KLHL24: variants seen among roughly 807,000 people sequenced by gnomAD.
KLHL24 encodes the protein kelch-like protein 24.
KLHL24 carries 29 observed loss-of-function variants against 53.4 expected under a neutral mutation model. The observed-to-expected ratio is 0.54, with a 90% CI of 0.40 to 0.74. KLHL24 has a LOEUF of 0.74. Among genes scored for constraint, KLHL24 ranks in the 30% least tolerant of loss-of-function variants. The pLI, the probability that KLHL24 is intolerant of heterozygous loss-of-function variation, is 0.00. For synonymous variants in KLHL24, 222 were observed against 253.7 expected (o/e 0.88, Z 1.19); for missense variants, 504 against 744.0 (o/e 0.68, Z 3.75).
chr3:183,663,703 C>A lies in KLHL24; in HGVS notation c.1105+61C>A. The A allele has an allele frequency of 2.2e-6, 2 of 927,316 alleles. No individual in the cohort carries two copies. The highest frequency in any genetic ancestry group is 3.1e-6 in the Non-Finnish European group (2 of 638,866). 57.4% of individuals were successfully genotyped at this position (927,316 alleles called of 1,614,324 possible). A position where few individuals can be genotyped will look rare whatever the true frequency, so the allele number is the denominator to read the frequency against. ...TTGGACACAGCTTCATTATTTTAAA[C>A]ATCAACAGTGTCTTAAAATAGTGAA... On this transcript the variant is annotated intron_variant, in intron 4 of 7. Coordinates refer to ENST00000242810, the MANE Select transcript of KLHL24 (RefSeq NM_017644.3). This position sits in a 1 kb window ranked among gnomAD's most constrained non-coding sequence, Gnocchi z 4.9.
At chr3:183,653,934 T>G (rs1718494659) in intron 3 of KLHL24, among the ~76,000 whole-genome samples, 1 of 152,180 alleles carries the variant, frequency 6.6e-6, no homozygotes. Flanking sequence ...ACTAGGAATT[T>G]CATTATCTGA....
intron 1 of KLHL24, among the ~76,000 whole-genome samples, chr3:183,637,369 C>T (rs551401680): frequency 6.6e-6 from 1 of 152,320 alleles, no homozygotes; most frequent in South Asian, 2.1e-4. Context: ...CTTCCATACT[C>T]GGCTCGGATG....
In KLHL24 at chr3:183,647,741, C is replaced by T. The variant is rs748800326; in HGVS notation, c.-61-2555C>T. On this transcript the variant is annotated intron_variant, in intron 2 of 7. Transcript: ENST00000242810. Reference sequence around the variant, plus strand: ...ATAACAGGCTGAGCGCAGTGGCTCACGCCTGTAATCCCAGCACTTTGGGAG... The same window carrying T: ...ATAACAGGCTGAGCGCAGTGGCTCATGCCTGTAATCCCAGCACTTTGGGAG... 4.6e-4 allele frequency among the ~76,000 whole-genome samples: 70 copies of T among 152,082 alleles called. 1 individual carries two copies. Among genetic ancestry groups the T allele is most frequent in the Admixed American group, 2.0e-4 (3 of 15,272 alleles).
intron 3 of KLHL24, among the ~76,000 whole-genome samples, chr3:183,660,990 G>A (rs1320473299): frequency 1.5e-5 from 2 of 136,574 alleles, no homozygotes; most frequent in African/African-American, 3.0e-5. Context: ...GCGTGAACCC[G>A]GGAGGCGGAG....
chr3:183,670,353 T>G (rs897987917), intron 5 of KLHL24, among the ~76,000 whole-genome samples: 15 of 152,190 alleles, frequency 9.9e-5, no homozygotes, highest in Non-Finnish European at 1.5e-5. Context: ...AAACCATGGA[T>G]TTTTTGCATA....
intron 5 of KLHL24, among the ~76,000 whole-genome samples, chr3:183,669,510 T>C (rs1254739782): frequency 1.3e-5 from 2 of 152,208 alleles, no homozygotes; most frequent in Non-Finnish European, 2.9e-5. Context: ...TGTGGACTTT[T>C]GTAAGTTACT....
intron 5 of KLHL24, among the ~76,000 whole-genome samples, chr3:183,666,991 C>T (rs1720659550): frequency 6.6e-6 from 1 of 152,104 alleles, no homozygotes; most frequent in Non-Finnish European, 1.5e-5. Context: ...CTCATAGGCC[C>T]TCCTATGGAG....
At chr3:183,673,054 A>C (rs1169248207) in intron 7 of KLHL24, 1 of 151,432 alleles carries the variant, frequency 6.6e-6, no homozygotes, top group Non-Finnish European at 1.5e-5. Flanking sequence ...TAAAATAAAA[A>C]ATTAGCTGGG....
intron 7 of KLHL24, among the ~76,000 whole-genome samples, chr3:183,675,253 T>C (rs1416825037): frequency 2.6e-5 from 4 of 152,166 alleles, no homozygotes; most frequent in Non-Finnish European, 4.4e-5. Context: ...ATTATAAGGA[T>C]AGTGAATAGG....
chr3:183,641,267 G>C (rs1020809765), intron 1 of KLHL24, among the ~76,000 whole-genome samples: 1 of 152,026 alleles, frequency 6.6e-6, no homozygotes, highest in Non-Finnish European at 1.5e-5. Flanking sequence ...GGTCGAGGCG[G>C]GTGGATCACA....
intron 2 of KLHL24, among the ~76,000 whole-genome samples, chr3:183,645,027 C>T (rs568719423): frequency 2.0e-5 from 3 of 152,202 alleles, no homozygotes; most frequent in South Asian, 2.1e-4. Context: ...ATTTTTTGAA[C>T]CTGAAATGCA....
At chr3:183,646,902 C>T (rs1459744986) in intron 2 of KLHL24, among the ~76,000 whole-genome samples, 7 of 151,624 alleles carry the variant, frequency 4.6e-5, no homozygotes, top group Non-Finnish European at 8.8e-5. Context: ...CTCCACCTCC[C>T]AGGTTCACGC....
rs748608098 is a variant in KLHL24, at chr3:183,650,510, A to C, written c.154A>C (p.Ile52Leu). 6.2e-7 allele frequency: 1 copy of C among 1,614,192 alleles called. No individual in the cohort carries two copies. The highest frequency in any genetic ancestry group is 8.5e-7 in the Non-Finnish European group (1 of 1,180,030). Reference sequence around the variant, plus strand: ...TTCAGGATCATCCCATGCCGAAAACATACTCCAGATATTTAATGAATTTCG... The same window carrying C: ...TTCAGGATCATCCCATGCCGAAAACCTACTCCAGATATTTAATGAATTTCG... ...FSSGSSHAEN[I>L]LQIFNEFRDS... The change falls in exon 3 of 8, where the codon ATA becomes CTA. Residue 52 changes from isoleucine (I) to leucine (L), a missense_variant. Physicochemically the swap from Ile to Leu is conservative, Grantham distance 5 (BLOSUM62 2). Coordinates refer to ENST00000242810, the MANE Select transcript of KLHL24 (RefSeq NM_017644.3). The surrounding 1 kb of genome is among the most constrained non-coding windows in gnomAD (Gnocchi z 4.5).
At chr3:183,659,443 A>T (rs1000052911) in intron 3 of KLHL24, among the ~76,000 whole-genome samples, 3 of 152,232 alleles carry the variant, frequency 2.0e-5, no homozygotes, top group African/African-American at 7.2e-5. Flanking sequence ...AGACTGAGGC[A>T]GGAGAATGGC....
rs758379705 is a variant in KLHL24 at position 183,643,530 on chromosome 3, A to T, written c.-74A>T. 4 of 152,240 alleles carry T rather than the reference A, an allele frequency of 2.6e-5. No homozygotes were observed. The highest frequency in any genetic ancestry group is 4.4e-5 in the Non-Finnish European group (3 of 68,038). 9.4% of individuals were successfully genotyped at this position (152,240 alleles called of 1,614,324 possible). A position where few individuals can be genotyped will look rare whatever the true frequency, so the allele number is the denominator to read the frequency against. On this transcript the variant is annotated 5_prime_UTR_variant, in exon 2 of 8. Coordinates refer to ENST00000242810, the MANE Select transcript of KLHL24 (RefSeq NM_017644.3). The stretch of plus-strand genomic sequence containing the variant: ...ATTTTGACTGGGGCTTTGATCAACC[A>T]AATGCTAAAAAGGTATATTTGTAAT...
intron 6 of KLHL24, among the ~76,000 whole-genome samples, chr3:183,672,051 G>A (rs889400432): frequency 6.6e-6 from 1 of 152,102 alleles, no homozygotes; most frequent in African/African-American, 2.4e-5. Flanking sequence ...GACAAACCTG[G>A]TGGCCATTCA....
Position 183,671,155 on chromosome 3 carries a change from T to C in KLHL24, c.1346T>C (p.Val449Ala). 6.2e-7 allele frequency: 1 copy of C among 1,614,124 alleles called. No homozygotes were observed. The highest frequency in any genetic ancestry group is 8.5e-7 in the Non-Finnish European group (1 of 1,179,992). ...PLKEAVSSPAVTSCVGKLFVI... is the reference protein window; with the variant it reads ...PLKEAVSSPAATSCVGKLFVI... ...AAGGAAGCCGTGAGTTCTCCTGCAG[T>C]GACTAGCTGTGTAGGCAAACTGTTT... is the stretch of plus-strand genomic sequence containing the variant. Residue 449 changes from valine (V) to alanine (A), a missense_variant, in exon 6 of 8, where the codon GTG becomes GCG. Coordinates refer to ENST00000242810, the MANE Select transcript of KLHL24 (RefSeq NM_017644.3).
chr3:183,656,672 C>T (rs974411694), intron 3 of KLHL24, among the ~76,000 whole-genome samples: 6 of 151,948 alleles, frequency 3.9e-5, no homozygotes, highest in African/African-American at 1.5e-4. Flanking sequence ...TTGTGATGGG[C>T]CTCTGTGCCC....
chr3:183,651,050 G>A lies in KLHL24; in HGVS notation c.694G>A (p.Ala232Thr), dbSNP rs1718044258. 1 of 1,614,174 alleles carries A rather than the reference G, an allele frequency of 6.2e-7. No individual in the cohort carries two copies. The highest frequency in any genetic ancestry group is 8.5e-7 in the Non-Finnish European group (1 of 1,180,022). Reference sequence around the variant, plus strand: ...TGGTAAAGAGGAGATGGTTTTTGAAGCCGTCATGCGTTGGGTCTATCGTGC... The same window carrying A: ...TGGTAAAGAGGAGATGGTTTTTGAAACCGTCATGCGTTGGGTCTATCGTGC... ...VIGKEEMVFE[A>T]VMRWVYRAVD... is the part of the protein sequence containing the mutation. Residue 232 changes from alanine (A) to threonine (T), a missense_variant, in exon 3 of 8, where the codon GCC becomes ACC. Transcript: ENST00000242810.
Sources: allele counts gnomAD v4.1 joint callset (sites outside exome capture counted in the v4.1 genomes callset), GRCh38; gene constraint gnomAD v4.1.1; non-coding constraint Gnocchi (gnomAD v3.1); transcripts MANE v1.5; gene names NCBI Gene and HGNC (gene_info 2026-07-23, HGNC 2026-07-21).